The following ATP11B variants were observed in gnomAD, a reference collection of about 807,000 sequenced individuals.
ATP11B encodes the protein ATPase phospholipid transporting 11B (putative).
Under a neutral mutation model 157.8 loss-of-function variants are expected in ATP11B, and 81 were observed. That is an observed-to-expected ratio of 0.51 (90% confidence interval 0.43 to 0.62). The LOEUF (loss-of-function observed/expected upper bound fraction) is 0.62. ATP11B is among the 20% of genes least tolerant of loss of function. The probability of loss-of-function intolerance (pLI) is 0.00; values close to 1 mark genes in which losing one functional copy is unlikely to be tolerated. For synonymous variants in ATP11B, 451 were observed against 469.4 expected, an observed-to-expected ratio of 0.96 and a Z score of 0.51; for missense variants, 1,165 against 1,402.2, an observed-to-expected ratio of 0.83 and a Z score of 2.70.
intron 12 of ATP11B, among the ~76,000 whole-genome samples, chr3:182,865,064 C>T (rs568567433): frequency 7.9e-5 from 12 of 152,218 alleles, no homozygotes; most frequent in Admixed American, 4.6e-4. Context: ...TCTCCTCACT[C>T]GGATACCCTT....
intron 2 of ATP11B, among the ~76,000 whole-genome samples, chr3:182,822,691 A>C (rs999446281): frequency 6.6e-6 from 1 of 152,230 alleles, no homozygotes; most frequent in Non-Finnish European, 1.5e-5. Flanking sequence ...AGGAATCACC[A>C]CACTGTCTTC....
chr3:182,920,027 A>T lies in ATP11B; in HGVS notation c.*1923A>T, dbSNP rs1271193542. 6.6e-6 allele frequency: 1 copy of T among 152,206 alleles called. No individual in the cohort carries two copies. The highest frequency in any genetic ancestry group is 2.4e-5 in the African/African-American group (1 of 41,442). The allele number at this position is 152,206 out of a possible 1,614,324, so 9.4% of individuals were successfully genotyped here. The stretch of plus-strand genomic sequence containing the variant: ...GAAATTTGCTCATAAAATCTCTTAT[A>T]AAACGTGCATATAACAAAATGACAC... On this transcript the variant is annotated 3_prime_UTR_variant, in exon 30 of 30. Transcript: ENST00000323116.
intron 4 of ATP11B, among the ~76,000 whole-genome samples, chr3:182,832,293 T>C (rs150728500): frequency 1.9e-3 from 283 of 152,266 alleles, no homozygotes; most frequent in African/African-American, 6.6e-3. Context: ...GAGAGCTTCA[T>C]AACTAAGGCA....
At chr3:182,866,058 T>C (rs1448036468) in intron 13 of ATP11B, among the ~76,000 whole-genome samples, 2 of 152,202 alleles carry the variant, frequency 1.3e-5, no homozygotes, top group Non-Finnish European at 2.9e-5. Context: ...CTACTTGCAA[T>C]GTGGTTGTAC....
At chr3:182,845,360 TG>T (rs1719430983) in intron 8 of ATP11B, 97 bp from the exon 9 acceptor site, 1 of 1,028,868 alleles carries the variant, frequency 9.7e-7, no homozygotes, top group African/African-American at 1.7e-5. Flanking sequence ...AGTGGTGTTA[TG>T]GCTATAGCTT....
At chr3:182,819,710 G>C (rs1336868530) in intron 1 of ATP11B, among the ~76,000 whole-genome samples, 1 of 152,158 alleles carries the variant, frequency 6.6e-6, no homozygotes, top group African/African-American at 2.4e-5. Context: ...AGTCATCTGG[G>C]AACAAAGCTC....
intron 28 of ATP11B, among the ~76,000 whole-genome samples, chr3:182,910,071 CAGAA>C (rs1162778232): frequency 0.19 from 13,857 of 71,088 alleles, 840 homozygotes; most frequent in East Asian, 0.44. Context: ...ACTCGGCCTC[CAGAA>C]AAAAAAAAAA....
At chr3:182,833,660 G>A (rs540376239) in intron 4 of ATP11B, 1 of 152,174 alleles carries the variant, frequency 6.6e-6, no homozygotes, top group African/African-American at 2.4e-5. Context: ...TTTACCAAGA[G>A]CACATACCTA....
intron 1 of ATP11B, among the ~76,000 whole-genome samples, chr3:182,809,994 T>C (rs1263604445): frequency 6.6e-6 from 1 of 152,156 alleles, no homozygotes; most frequent in Non-Finnish European, 1.5e-5. Flanking sequence ...TTATGCAGGG[T>C]AAATGAGCTG....
chr3:182,837,897 C>T (rs1323325961), intron 7 of ATP11B, among the ~76,000 whole-genome samples: 1 of 151,960 alleles, frequency 6.6e-6, no homozygotes, highest in East Asian at 1.9e-4. Context: ...TATATGTGGG[C>T]TGTGGAATGG....
At chr3:182,898,039 CA>C (rs887118174) in intron 27 of ATP11B, among the ~76,000 whole-genome samples, 3 of 151,610 alleles carry the variant, frequency 2.0e-5, no homozygotes, top group African/African-American at 7.2e-5. Context: ...GAAGGTAGGC[CA>C]AAAAAATTTG....
At chr3:182,855,768 A>AAAT (rs1720347779) in intron 10 of ATP11B, among the ~76,000 whole-genome samples, 1 of 152,186 alleles carries the variant, frequency 6.6e-6, no homozygotes, top group Admixed American at 6.5e-5. Flanking sequence ...GAAAAGCTGC[A>AAAT]GATTACAAAT....
intron 1 of ATP11B, among the ~76,000 whole-genome samples, 188 bp from the exon 2 acceptor site, chr3:182,820,072 T>C (rs1248322661): frequency 6.6e-6 from 1 of 152,196 alleles, no homozygotes; most frequent in African/African-American, 2.4e-5. Flanking sequence ...GGAGATAATG[T>C]ACCTGTTTAC....
At chr3:182,872,612 C>G in intron 18 of ATP11B, 75 bp downstream of exon 18, 1 of 1,218,994 alleles carries the variant, frequency 8.2e-7, no homozygotes, top group Non-Finnish European at 1.1e-6. Flanking sequence ...TAATATGTGA[C>G]ATAAATTCTC....
chr3:182,850,474 A>G (rs1719888507), intron 10 of ATP11B, among the ~76,000 whole-genome samples: 1 of 152,176 alleles, frequency 6.6e-6, no homozygotes, highest in East Asian at 1.9e-4. Context: ...CTCCATCTCA[A>G]AAAACAAAAC....
chr3:182,829,883 A>G, intron 4 of ATP11B, 131 bp downstream of exon 4: 1 of 1,427,726 alleles, frequency 7.0e-7, no homozygotes, highest in Non-Finnish European at 9.2e-7. Flanking sequence ...TCTGATACGT[A>G]GTAAAATTAA....
At chr3:182,874,328 A>G (rs1721875957) in intron 19 of ATP11B, among the ~76,000 whole-genome samples, 1 of 152,004 alleles carries the variant, frequency 6.6e-6, no homozygotes, top group Admixed American at 6.6e-5. Flanking sequence ...TTTACAAAAT[A>G]CTCTCTCTTC....
Position 182,898,729 on chromosome 3 carries a change from T to G in ATP11B, c.3275T>G (p.Val1092Gly). 6.3e-7 allele frequency: 1 copy of G among 1,590,748 alleles called. No homozygotes were observed. The highest frequency in any genetic ancestry group is 8.6e-7 in the Non-Finnish European group (1 of 1,168,732). The stretch of plus-strand genomic sequence containing the variant: ...CTATTTCTTGATATCATAAAGAAGG[T>G]CTTTGACCGACACCTCCACCCTACA... ...TCLFLDIIKKVFDRHLHPTST... is the reference protein window; with the variant it reads ...TCLFLDIIKKGFDRHLHPTST... Residue 1092 changes from valine (V) to glycine (G), a missense_variant, in exon 28 of 30, where the codon GTC (valine) becomes GGC (glycine). Coordinates refer to ENST00000323116, the MANE Select transcript of ATP11B (RefSeq NM_014616.3).
chr3:182,820,380 A>G lies in ATP11B; in HGVS notation c.144+4A>G, dbSNP rs946220833. 2.5e-6 allele frequency: 4 copies of G among 1,585,616 alleles called. No homozygotes were observed. Among genetic ancestry groups the G allele is most frequent in the Non-Finnish European group, 3.5e-6 (4 of 1,154,068 alleles). On this transcript the variant is annotated splice_donor_region_variant and intron_variant, in intron 2 of 29. Transcript: ENST00000323116. ...TAACAGGATCATTTCATCTAAGGTA[A>G]GAATTAAAATTTTTATTGTTAGGCC... is the stretch of plus-strand genomic sequence containing the variant.
Sources: gnomAD v4.1 joint callset for allele counts (sites outside exome capture counted in the v4.1 genomes callset) on GRCh38, gnomAD v4.1.1 for gene constraint, MANE v1.5 for transcripts, NCBI Gene and HGNC (gene_info 2026-07-23, HGNC 2026-07-21) for gene names.